The following ZC2HC1B variants were observed in gnomAD, a reference collection of about 807,000 sequenced individuals.
ZC2HC1B encodes zinc finger C2HC-type containing 1B.
In ZC2HC1B, 36 loss-of-function variants were observed where a neutral mutation model predicts 31.0. That is an observed-to-expected ratio of 1.16 (90% CI 0.89 to 1.54). The LOEUF is 1.54. Among genes scored for constraint, ZC2HC1B ranks in the 40% most tolerant of loss-of-function variants. ZC2HC1B has a pLI of 0.00. For missense variants in ZC2HC1B, 260 were observed against 268.6 expected, an observed-to-expected ratio of 0.97 and a Z score of 0.22; for synonymous variants, 73 against 88.0, an observed-to-expected ratio of 0.83 and a Z score of 0.95.
rs1289434738 is a variant in ZC2HC1B at position 143,908,460 on chromosome 6, G to A, written c.598+5308G>A. Among the ~76,000 whole-genome samples the A allele has an allele frequency of 6.6e-6, 1 of 152,066 alleles. No individual in the cohort carries two copies. The highest frequency in any genetic ancestry group is 1.5e-5 in the Non-Finnish European group (1 of 68,010). On this transcript the variant is annotated intron_variant, in intron 6 of 7. Coordinates refer to ENST00000237275, the MANE Select transcript of ZC2HC1B (RefSeq NM_001013623.3). The surrounding 1 kb of genome is among the most constrained non-coding windows in gnomAD (Gnocchi z 4.4). The stretch of plus-strand genomic sequence containing the variant: ...GTCATCTCTGATTTCTTTGAGCAGT[G>A]GTTTATAGTTCTCTTTGAAGAGATT...
At chr6:143,878,523 T>C (rs1435382200) in intron 1 of ZC2HC1B, among the ~76,000 whole-genome samples, 1 of 150,542 alleles carries the variant, frequency 6.6e-6, no homozygotes, top group African/African-American at 2.5e-5. Flanking sequence ...ATTGCTGAAG[T>C]GCTGTCTAGT....
intron 6 of ZC2HC1B, among the ~76,000 whole-genome samples, chr6:143,927,350 A>T (rs1017564918): frequency 1.3e-5 from 2 of 152,076 alleles, no homozygotes; most frequent in Non-Finnish European, 2.9e-5. Flanking sequence ...TCCAATCTGT[A>T]TGTCCATGTG....
intron 6 of ZC2HC1B, among the ~76,000 whole-genome samples, chr6:143,935,174 T>C (rs1251233826): frequency 6.6e-6 from 1 of 151,714 alleles, no homozygotes; most frequent in Non-Finnish European, 1.5e-5. Context: ...GGATGATGTA[T>C]GCAGGTACCA....
At position 143,885,985 on chromosome 6, in the gene ZC2HC1B, C is replaced by G. The variant is rs760718470; in HGVS notation, c.91-47C>G. 4 of 1,471,170 alleles carry G rather than the reference C, an allele frequency of 2.7e-6. 1 individual carries two copies. The South Asian group carries it at 5.8e-5, about 21-fold the overall frequency. The allele number at this position is 1,471,170 out of a possible 1,614,324, so 91.1% of individuals were successfully genotyped here. ...TCTAGGTACACCTAGGCATTAAAAA[C>G]TGATTGTGCACTTTAGAAATTCCAA... On this transcript the variant is annotated intron_variant, in intron 2 of 7. Coordinates refer to ENST00000237275, the MANE Select transcript of ZC2HC1B (RefSeq NM_001013623.3). The surrounding 1 kb of genome is among the most constrained non-coding windows in gnomAD (Gnocchi z 4.2).
At chr6:143,890,186 A>G (rs1291590834) in intron 4 of ZC2HC1B, among the ~76,000 whole-genome samples, 1 of 152,156 alleles carries the variant, frequency 6.6e-6, no homozygotes, top group Non-Finnish European at 1.5e-5. Flanking sequence ...TTAAATGTTT[A>G]TAATAGAAAA....
At position 143,913,983 on chromosome 6, in the gene ZC2HC1B, T is replaced by C. The variant is rs556328896; in HGVS notation, c.598+10831T>C. ...GACCACAGCTGCTTCTAATCGGCCATCTTGGCCCCTCTCCCAATGGTTTTT... is the reference window on the plus strand; with the variant it reads ...GACCACAGCTGCTTCTAATCGGCCACCTTGGCCCCTCTCCCAATGGTTTTT... On this transcript the variant is annotated intron_variant, in intron 6 of 7. Coordinates refer to ENST00000237275, the MANE Select transcript of ZC2HC1B (RefSeq NM_001013623.3). The surrounding 1 kb of genome is among the most constrained non-coding windows in gnomAD (Gnocchi z 5.7). Among the ~76,000 whole-genome samples the C allele has an allele frequency of 5.3e-5, 8 of 152,368 alleles. No homozygotes were observed. In the South Asian group the frequency reaches 1.7e-3, roughly 32 times the overall value.
intron 6 of ZC2HC1B, among the ~76,000 whole-genome samples, chr6:143,928,953 A>C (rs886366114): frequency 1.3e-5 from 2 of 151,246 alleles, no homozygotes; most frequent in Admixed American, 6.6e-5. Flanking sequence ...CTGGAACTTT[A>C]CTGAATTCAT....
chr6:143,866,530 A>G (rs1424423063), intron 1 of ZC2HC1B, among the ~76,000 whole-genome samples: 13 of 152,234 alleles, frequency 8.5e-5, no homozygotes, highest in Non-Finnish European at 1.2e-4. Context: ...TCATAAGTTG[A>G]GGACTGTCTG....
chr6:143,889,272 TCAATC>T (rs1409885685), intron 4 of ZC2HC1B, among the ~76,000 whole-genome samples: 2 of 151,772 alleles, frequency 1.3e-5, no homozygotes, highest in Non-Finnish European at 2.9e-5. Flanking sequence ...GCAAAAAAAT[TCAATC>T]CAAAGGGGGA....
chr6:143,909,819 G>A (rs1777838360), intron 6 of ZC2HC1B, among the ~76,000 whole-genome samples: 1 of 151,848 alleles, frequency 6.6e-6, no homozygotes, highest in South Asian at 2.1e-4. Flanking sequence ...TACTAGTCTA[G>A]CTAGCAGTCT....
chr6:143,877,930 TG>T (rs1017094435), intron 1 of ZC2HC1B, among the ~76,000 whole-genome samples: 11 of 150,718 alleles, frequency 7.3e-5, no homozygotes, highest in African/African-American at 2.7e-4. Context: ...GATGGGCATG[TG>T]GATATTCTCT....
chr6:143,874,955 C>T (rs1777388301), intron 1 of ZC2HC1B, among the ~76,000 whole-genome samples: 1 of 152,142 alleles, frequency 6.6e-6, no homozygotes, highest in African/African-American at 2.4e-5. Flanking sequence ...GCCTCAGCCC[C>T]CCGGGTATGT....
chr6:143,885,145 T>C lies in ZC2HC1B; in HGVS notation c.90+780T>C, dbSNP rs1430603706. ...ACTTAAAGGATGTGGACTGTAAGCC[T>C]GACTATGTTTTGGACAAAAGACTAT... On this transcript the variant is annotated intron_variant, in intron 2 of 7. Transcript: ENST00000237275. The surrounding 1 kb of genome is among the most constrained non-coding windows in gnomAD (Gnocchi z 4.2). 6.6e-6 allele frequency among the ~76,000 whole-genome samples: 1 copy of C among 152,208 alleles called. No homozygotes were observed. The highest frequency in any genetic ancestry group is 1.5e-5 in the Non-Finnish European group (1 of 68,034).
rs1487167680 is a variant in ZC2HC1B at position 143,913,173 on chromosome 6, G to A, written c.598+10021G>A. Among the ~76,000 whole-genome samples the A allele has an allele frequency of 2.0e-5, 3 of 152,222 alleles. No homozygotes were observed. The highest frequency in any genetic ancestry group is 2.9e-5 in the Non-Finnish European group (2 of 68,038). The stretch of plus-strand genomic sequence containing the variant: ...CACTTCATCCCAGGGAGAGATCAGA[G>A]CTCTGTCCCTAATATGTGCAGGCAG... On this transcript the variant is annotated intron_variant, in intron 6 of 7. Transcript: ENST00000237275. The surrounding 1 kb of genome is among the most constrained non-coding windows in gnomAD (Gnocchi z 5.7).
rs115806131 is a variant in ZC2HC1B, at chr6:143,872,216, C to T, written c.28+7649C>T. ...CCCTTCATTCAAGCAGCTCTGGGTT[C>T]GTAAACTGGCTCAAGTCTGGAAATT... On this transcript the variant is annotated intron_variant, in intron 1 of 7. Transcript: ENST00000237275. This position sits in a 1 kb window ranked among gnomAD's most constrained non-coding sequence, Gnocchi z 5.5. Among the ~76,000 whole-genome samples, 3,705 of 152,208 alleles carry T rather than the reference C, an allele frequency of 0.024. 147 individuals carry two copies. Among genetic ancestry groups the T allele is most frequent in the African/African-American group, 0.083 (3,434 of 41,528 alleles).
chr6:143,903,174 A>G lies in ZC2HC1B; in HGVS notation c.598+22A>G, dbSNP rs975364144. ...TCAGGTGAGTCAAAGCACGCATTTC[A>G]TCTCTCAAATGATGGGGGTCAGAGG... On this transcript the variant is annotated intron_variant, in intron 6 of 7. Coordinates refer to ENST00000237275, the MANE Select transcript of ZC2HC1B (RefSeq NM_001013623.3). This position sits in a 1 kb window ranked among gnomAD's most constrained non-coding sequence, Gnocchi z 4.3. The G allele has an allele frequency of 1.9e-6, 3 of 1,542,558 alleles. No individual in the cohort carries two copies. The African/African-American group carries it at 4.1e-5, about 21-fold the overall frequency.
intron 6 of ZC2HC1B, among the ~76,000 whole-genome samples, chr6:143,910,553 G>A (rs1777844726): frequency 6.6e-6 from 1 of 152,126 alleles, no homozygotes; most frequent in African/African-American, 2.4e-5. Flanking sequence ...CTGTCTAATA[G>A]TGTTGGTGTG....
intron 6 of ZC2HC1B, among the ~76,000 whole-genome samples, chr6:143,927,017 C>A (rs1013580761): frequency 1.4e-5 from 2 of 147,420 alleles, no homozygotes; most frequent in Non-Finnish European, 3.0e-5. Flanking sequence ...CCAGGATGGT[C>A]TCGATCTCCT....
intron 6 of ZC2HC1B, among the ~76,000 whole-genome samples, chr6:143,904,292 A>G (rs2128495361): frequency 6.6e-6 from 1 of 152,294 alleles, no homozygotes; most frequent in Middle Eastern, 3.4e-3. Context: ...CTTATCAGCC[A>G]TATGGTTTAT....
Sources: allele counts gnomAD v4.1 joint callset (sites outside exome capture counted in the v4.1 genomes callset), GRCh38; gene constraint gnomAD v4.1.1; non-coding constraint Gnocchi (gnomAD v3.1); transcripts MANE v1.5; gene names NCBI Gene and HGNC (gene_info 2026-07-23, HGNC 2026-07-21).